ZNF362: variants seen among roughly 807,000 people sequenced by gnomAD.
The protein encoded by ZNF362 is rotund homolog.
ZNF362 carries 11 observed loss-of-function variants against 42.9 expected under a neutral mutation model. The ratio of observed to expected loss-of-function variants is 0.26; its 90% CI spans 0.16 to 0.42. The LOEUF is 0.42. Ranked by LOEUF, ZNF362 falls within the 20% of genes least tolerant of loss-of-function variation. The probability of loss-of-function intolerance (pLI) is 1.00; values close to 1 mark genes in which losing one functional copy is unlikely to be tolerated. For missense variants in ZNF362, 362 were observed against 576.2 expected (o/e 0.63, Z 3.81); for synonymous variants, 255 against 257.3 (o/e 0.99, Z 0.09).
At chr1:33,208,794 T>G in the ZNF362 span, among the ~76,000 whole-genome samples, 31 of 152,276 alleles carry the variant, frequency 2.0e-4, no homozygotes, top group African/African-American at 7.0e-4. Context: ...CTTTGCTGAA[T>G]TTGCTTATCA....
At chr1:33,131,980 T>C in the ZNF362 span, among the ~76,000 whole-genome samples, 1 of 152,220 alleles carries the variant, frequency 6.6e-6, no homozygotes, top group Non-Finnish European at 1.5e-5. Flanking sequence ...GCATGGTTGA[T>C]TGAGCAGTCT....
the ZNF362 span, among the ~76,000 whole-genome samples, chr1:33,229,405 CTTTT>C: frequency 4.4e-5 from 6 of 136,470 alleles, no homozygotes; most frequent in Admixed American, 7.4e-5. Context: ...TCTATTCTGC[CTTTT>C]TTTTTTTTTT....
chr1:33,267,415 G>A (rs1645872264), intron 1 of ZNF362, among the ~76,000 whole-genome samples: 1 of 152,072 alleles, frequency 6.6e-6, no homozygotes, highest in Admixed American at 6.6e-5. Context: ...TTTTTATATA[G>A]ATGTCCTTGC....
At chr1:33,197,779 A>G in the ZNF362 span, among the ~76,000 whole-genome samples, 2 of 152,192 alleles carry the variant, frequency 1.3e-5, no homozygotes, top group African/African-American at 4.8e-5. Flanking sequence ...AGCACTTCAT[A>G]GTACTGAGTA....
rs892335116 is a variant in ZNF362, at chr1:33,300,143, C to T, written c.*1097C>T. ...CAGAGCCCAGAGAAGCCCCCTACAT[C>T]CCCCCGGGAAAAAAAAGAAAACTAG... On this transcript the variant is annotated 3_prime_UTR_variant, in exon 9 of 9. Transcript: ENST00000539719. 2.0e-5 allele frequency: 3 copies of T among 152,450 alleles called. No individual in the cohort carries two copies. Among genetic ancestry groups the T allele is most frequent in the Admixed American group, 6.6e-5 (1 of 15,256 alleles). The allele number at this position is 152,450 out of a possible 1,614,324, so 9.4% of individuals were successfully genotyped here.
chr1:33,180,672 T>C, the ZNF362 span, among the ~76,000 whole-genome samples: 2 of 152,204 alleles, frequency 1.3e-5, no homozygotes, highest in Non-Finnish European at 2.9e-5. Context: ...TTCCGGTTCG[T>C]CCACAACCCT....
At chr1:33,202,594 T>TA in the ZNF362 span, among the ~76,000 whole-genome samples, 99,093 of 137,300 alleles carry the variant, frequency 0.72, 35,125 homozygotes, top group Non-Finnish European at 0.76. Context: ...CGAGACTCCA[T>TA]AAAAAAAAAA....
At chr1:33,191,724 T>C in the ZNF362 span, among the ~76,000 whole-genome samples, 1 of 152,174 alleles carries the variant, frequency 6.6e-6, no homozygotes. Context: ...AGGCTGGTCC[T>C]GAACTCCTGA....
chr1:33,236,034 G>A, the ZNF362 span, among the ~76,000 whole-genome samples: 2 of 152,268 alleles, frequency 1.3e-5, no homozygotes, highest in East Asian at 1.9e-4. Context: ...GGGGGTGCAA[G>A]TGCTGACTGT....
intron 4 of ZNF362, among the ~76,000 whole-genome samples, chr1:33,277,811 C>T (rs1336737775): frequency 6.6e-6 from 1 of 152,154 alleles, no homozygotes; most frequent in Non-Finnish European, 1.5e-5. Flanking sequence ...TAGGTTGAGG[C>T]TGGGGTGCCA....
the ZNF362 span, among the ~76,000 whole-genome samples, chr1:33,139,902 T>G: frequency 6.6e-6 from 1 of 152,296 alleles, no homozygotes; most frequent in Admixed American, 6.5e-5. Context: ...TTTCCTCTGC[T>G]GCTTGTCAGG....
the ZNF362 span, among the ~76,000 whole-genome samples, chr1:33,150,825 C>A: frequency 6.6e-6 from 1 of 152,092 alleles, no homozygotes; most frequent in Admixed American, 6.5e-5. Context: ...TGGGCCACCC[C>A]TATGACAGTG....
In ZNF362 at chr1:33,289,200, C is replaced by G. The variant is rs368543634; in HGVS notation, c.909-5737C>G. Among the ~76,000 whole-genome samples the G allele has an allele frequency of 1.9e-4, 29 of 152,272 alleles. No individual in the cohort carries two copies. In the East Asian group the frequency reaches 4.8e-3, roughly 25 times the overall value. Reference sequence around the variant, plus strand: ...AGAGGAAGAACGACATGAGCAAAGGCTCGAGGCCCGCCGGGAGGCTGCATC... The same window carrying G: ...AGAGGAAGAACGACATGAGCAAAGGGTCGAGGCCCGCCGGGAGGCTGCATC... On this transcript the variant is annotated intron_variant, in intron 6 of 8. Coordinates refer to ENST00000539719, the MANE Select transcript of ZNF362 (RefSeq NM_152493.3).
the ZNF362 span, among the ~76,000 whole-genome samples, chr1:33,168,667 G>T: frequency 2.6e-5 from 4 of 152,226 alleles, no homozygotes; most frequent in African/African-American, 9.7e-5. Flanking sequence ...TAACATTCGT[G>T]TGCAGCTTGA....
the ZNF362 span, among the ~76,000 whole-genome samples, chr1:33,167,418 C>T: frequency 1.3e-5 from 2 of 152,166 alleles, no homozygotes; most frequent in African/African-American, 4.8e-5. The surrounding 1 kb of genome is among the most constrained non-coding windows in gnomAD (Gnocchi z 4.2). Flanking sequence ...GGTGAGTGCT[C>T]CCTAGCACAG....
intron 8 of ZNF362, among the ~76,000 whole-genome samples, chr1:33,298,333 CAGTG>C (rs1473430849): frequency 3.3e-5 from 5 of 152,146 alleles, no homozygotes; most frequent in African/African-American, 1.2e-4. Context: ...CTGGGCGACA[CAGTG>C]AGACCTTAAG....
intron 6 of ZNF362, among the ~76,000 whole-genome samples, chr1:33,291,416 T>C (rs1185595314): frequency 6.6e-6 from 1 of 152,238 alleles, no homozygotes; most frequent in African/African-American, 2.4e-5. Context: ...TCTGTTCCAT[T>C]GGTCTATATC....
chr1:33,278,837 T>G (rs1173200607), intron 4 of ZNF362, among the ~76,000 whole-genome samples: 2 of 152,176 alleles, frequency 1.3e-5, no homozygotes, highest in African/African-American at 4.8e-5. Flanking sequence ...TTCTCCCTAA[T>G]GAGAGTGGAC....
At chr1:33,210,936 A>ATT in the ZNF362 span, among the ~76,000 whole-genome samples, 454 of 139,936 alleles carry the variant, frequency 3.2e-3, 16 homozygotes, top group East Asian at 0.081. Flanking sequence ...TTTAAGGTTA[A>ATT]TTTTTTTTTT....
Sources: allele counts gnomAD v4.1 joint callset (sites outside exome capture counted in the v4.1 genomes callset), GRCh38; gene constraint gnomAD v4.1.1; non-coding constraint Gnocchi (gnomAD v3.1); transcripts MANE v1.5; gene names NCBI Gene and HGNC (gene_info 2026-07-23, HGNC 2026-07-21).